IL17D: variants seen among roughly 807,000 people sequenced by gnomAD.
IL17D encodes the protein interleukin 17D.
Under a neutral mutation model 5.7 loss-of-function variants are expected in IL17D, and 10 were observed. That is an observed-to-expected ratio of 1.75 (90% CI 1.08 to 2.97). The LOEUF is 2.97. Ranked by LOEUF, IL17D falls within the 30% of genes most tolerant of loss-of-function variation. The pLI is 0.00. For missense variants in IL17D, 354 were observed against 292.7 expected, an observed-to-expected ratio of 1.21 and a Z score of -1.53; for synonymous variants, 172 against 141.7, an observed-to-expected ratio of 1.21 and a Z score of -1.52.
upstream of IL17D, chr13:20,702,894 A>G (rs1304904979): frequency 6.6e-6 from 1 of 152,240 alleles, no homozygotes; most frequent in Non-Finnish European, 1.5e-5. Flanking sequence ...TCCTCGAAGT[A>G]CAGAATCTCA....
Position 20,704,276 on chromosome 13 carries a change from C to T in IL17D, c.275C>T (p.Ser92Leu), listed in dbSNP as rs963305025. ...CCGCCCACCAACCTGCGCAGCGTGT[C>T]GCCCTGGGCCTACAGGTGAGCCGCG... is the stretch of plus-strand genomic sequence containing the variant. ...FRPPTNLRSV[S>L]PWAYRISYDP... The change falls in exon 1 of 2, where the codon TCG becomes TTG. Residue 92 changes from serine to leucine, a missense_variant. Transcript: ENST00000682841. 5 of 1,256,378 alleles carry T rather than the reference C, an allele frequency of 4.0e-6. No homozygotes were observed. Among genetic ancestry groups the T allele is most frequent in the Non-Finnish European group, 5.0e-6 (5 of 1,003,502 alleles). 77.8% of individuals were successfully genotyped at this position (1,256,378 alleles called of 1,614,324 possible).
At chr13:20,718,654 A>G (rs1164332438) in intron 1 of IL17D, among the ~76,000 whole-genome samples, 1 of 85,878 alleles carries the variant, frequency 1.2e-5, no homozygotes, top group Non-Finnish European at 2.1e-5. Flanking sequence ...ACACCTGCCC[A>G]CTTACATGCC....
intron 1 of IL17D, among the ~76,000 whole-genome samples, chr13:20,708,722 G>A (rs770836458): frequency 2.1e-4 from 32 of 151,288 alleles, no homozygotes; most frequent in Admixed American, 4.6e-4. Flanking sequence ...AGTGACGGCC[G>A]GGTGCGGTGG....
Position 20,722,125 on chromosome 13 carries a change from G to A in IL17D, c.*171G>A, listed in dbSNP as rs2058741934. 1.7e-6 allele frequency: 1 copy of A among 587,002 alleles called. No homozygotes were observed. The highest frequency in any genetic ancestry group is 2.9e-6 in the Non-Finnish European group (1 of 345,346). The allele number at this position is 587,002 out of a possible 1,614,324, so 36.4% of individuals were successfully genotyped here. A position where few individuals can be genotyped will look rare whatever the true frequency, so the allele number is the denominator to read the frequency against. On this transcript the variant is annotated 3_prime_UTR_variant, in exon 2 of 2. Coordinates refer to ENST00000682841, the MANE Select transcript of IL17D (RefSeq NM_001385224.1). ...ACTCGTAAGCAGCTTCATCTGACAC[G>A]GGCATCCCTGGCTTGCTTTTAGCTA...
In IL17D at chr13:20,718,863, CAT is replaced by C. The variant is rs564536695; in HGVS notation, c.291-2772_291-2771del. Reference sequence around the variant, plus strand: ...ACACACCTGCCCCCTCACCCACACACATGCCCACACTCACACACACCTGCCCG... The same window carrying C: ...ACACACCTGCCCCCTCACCCACACACGCCCACACTCACACACACCTGCCCG... On this transcript the variant is annotated intron_variant, in intron 1 of 1. Transcript: ENST00000682841. Among the ~76,000 whole-genome samples, 434 of 145,920 alleles carry C rather than the reference CAT, an allele frequency of 3.0e-3. 5 individuals carry two copies. The highest frequency in any genetic ancestry group is 0.01 in the African/African-American group (400 of 38,838).
Position 20,704,125 on chromosome 13 carries a change from C to T in IL17D, c.124C>T (p.Leu42=), listed in dbSNP as rs1262089833. The T allele has an allele frequency of 2.3e-6, 3 of 1,321,988 alleles. No homozygotes were observed. Among genetic ancestry groups the T allele is most frequent in the Non-Finnish European group, 2.9e-6 (3 of 1,025,168 alleles). 81.9% of individuals were successfully genotyped at this position (1,321,988 alleles called of 1,614,324 possible). ...ADRPEELLEQ[L]YGRLAAGVLS... ...CCGGCCGGAGGAGCTACTGGAGCAG[C>T]TGTACGGGCGCCTGGCGGCCGGCGT... is the stretch of plus-strand genomic sequence containing the variant. The change falls in exon 1 of 2, where the codon CTG becomes TTG. Residue 42 remains leucine (L), a synonymous_variant. Transcript: ENST00000682841.
At chr13:20,721,611 C>A in intron 1 of IL17D, 25 bp from the exon 2 acceptor site, 1 of 1,562,016 alleles carries the variant, frequency 6.4e-7, no homozygotes, top group Non-Finnish European at 8.7e-7. Flanking sequence ...CCAGGCGTGA[C>A]CTCACCCGTG....
At chr13:20,720,438 TG>T (rs1394796557) in intron 1 of IL17D, among the ~76,000 whole-genome samples, 4 of 152,204 alleles carry the variant, frequency 2.6e-5, no homozygotes, top group African/African-American at 9.7e-5. Flanking sequence ...ATGAGACCTG[TG>T]GAAAAAAATT....
chr13:20,707,624 G>A (rs2058600965), intron 1 of IL17D, among the ~76,000 whole-genome samples: 1 of 152,068 alleles, frequency 6.6e-6, no homozygotes, highest in Non-Finnish European at 1.5e-5. Flanking sequence ...AGGCTCAAGG[G>A]ATCCTCCTAC....
rs569181700 is a variant in IL17D, at chr13:20,716,940, G to A, written c.291-4696G>A. Reference sequence around the variant, plus strand: ...CAACCAGCGCCCCAGCTATCCTTGGGCATCAGTTAGAGGACACATCAGGTG... The same window carrying A: ...CAACCAGCGCCCCAGCTATCCTTGGACATCAGTTAGAGGACACATCAGGTG... On this transcript the variant is annotated intron_variant, in intron 1 of 1. Transcript: ENST00000682841. The surrounding 1 kb of genome is among the most constrained non-coding windows in gnomAD (Gnocchi z 4.2). Among the ~76,000 whole-genome samples, 1 of 152,340 alleles carries A rather than the reference G, an allele frequency of 6.6e-6. No individual in the cohort carries two copies. The highest frequency in any genetic ancestry group is 1.9e-4 in the East Asian group (1 of 5,184).
intron 1 of IL17D, among the ~76,000 whole-genome samples, chr13:20,720,668 A>C (rs1231361864): frequency 6.6e-6 from 1 of 152,058 alleles, no homozygotes; most frequent in Non-Finnish European, 1.5e-5. Flanking sequence ...GGCCACCCCG[A>C]CTGGAAGCCT....
At chr13:20,702,005 G>A (rs1484455485), upstream of IL17D, 1 of 152,190 alleles carries the variant, frequency 6.6e-6, no homozygotes, top group African/African-American at 2.4e-5. Flanking sequence ...CTGGTACCAT[G>A]TCACCTCATA....
chr13:20,713,086 G>C (rs2058653062), intron 1 of IL17D: 1 of 151,544 alleles, frequency 6.6e-6, no homozygotes, highest in Non-Finnish European at 1.5e-5. Context: ...AGCAAACTAA[G>C]CCACGCCTTC....
intron 1 of IL17D, among the ~76,000 whole-genome samples, chr13:20,708,369 G>T (rs1470386026): frequency 2.0e-5 from 3 of 152,184 alleles, no homozygotes; most frequent in Non-Finnish European, 4.4e-5. Flanking sequence ...GGAGACCTGG[G>T]TCATTCAGTA....
At chr13:20,702,608 C>T (rs895368609), upstream of IL17D, 3 of 152,184 alleles carry the variant, frequency 2.0e-5, no homozygotes, top group Non-Finnish European at 4.4e-5. Context: ...TAATATAGTT[C>T]GTTTTAGTTT....
intron 1 of IL17D, among the ~76,000 whole-genome samples, chr13:20,708,765 C>G (rs374800076): frequency 6.7e-6 from 1 of 148,252 alleles, no homozygotes; most frequent in Non-Finnish European, 1.5e-5. Flanking sequence ...TTTGGGAGGC[C>G]GAGGCAGGAG....
Position 20,721,825 on chromosome 13 carries a change from C to T in IL17D, c.480C>T (p.Tyr160=), listed in dbSNP as rs375245084. ...AGGRSVYTEA[Y]VTIPVGCTCV... ...GCCGTTCCGTCTACACCGAGGCCTACGTCACCATCCCCGTGGGCTGCACCT... is the reference window on the plus strand; with the variant it reads ...GCCGTTCCGTCTACACCGAGGCCTATGTCACCATCCCCGTGGGCTGCACCT... Residue 160 remains tyrosine (Y), a synonymous_variant, in exon 2 of 2, where the codon TAC becomes TAT. Transcript: ENST00000682841. 5.6e-6 allele frequency: 9 copies of T among 1,610,454 alleles called. No individual in the cohort carries two copies. Among genetic ancestry groups the T allele is most frequent in the Admixed American group, 3.3e-5 (2 of 59,988 alleles).
In IL17D at chr13:20,703,862, T is replaced by C; in HGVS notation, c.-140T>C. On this transcript the variant is annotated 5_prime_UTR_variant, in exon 1 of 2. Coordinates refer to ENST00000682841, the MANE Select transcript of IL17D (RefSeq NM_001385224.1). The stretch of plus-strand genomic sequence containing the variant: ...GGGCCCGCCCGCGCGGCTCCCATCC[T>C]CCGGGCCGGCCTCTGGCTCCGCGGG... 4.0e-6 allele frequency: 1 copy of C among 248,778 alleles called. No homozygotes were observed. The highest frequency in any genetic ancestry group is 6.2e-6 in the Non-Finnish European group (1 of 160,668). 15.4% of individuals were successfully genotyped at this position (248,778 alleles called of 1,614,324 possible). A position where few individuals can be genotyped will look rare whatever the true frequency, so the allele number is the denominator to read the frequency against.
intron 1 of IL17D, among the ~76,000 whole-genome samples, chr13:20,718,711 C>G (rs1394468722): frequency 7.1e-6 from 1 of 141,638 alleles, no homozygotes; most frequent in Non-Finnish European, 1.5e-5. Context: ...CTCACACACA[C>G]CTGCCCACTT....
Sources: allele counts gnomAD v4.1 joint callset (sites outside exome capture counted in the v4.1 genomes callset), GRCh38; gene constraint gnomAD v4.1.1; non-coding constraint Gnocchi (gnomAD v3.1); transcripts MANE v1.5; gene names NCBI Gene and HGNC (gene_info 2026-07-23, HGNC 2026-07-21).